The following SMOC1 variants were observed in gnomAD, a reference collection of about 807,000 sequenced individuals.
SMOC1 encodes SPARC related modular calcium binding 1, also known as SPARC-related modular calcium-binding protein 1.
A neutral mutation model predicts 56.3 loss-of-function variants in SMOC1; 22 were observed. The observed-to-expected ratio is 0.39, with a 90% CI of 0.28 to 0.56. The LOEUF is 0.56. Ranked by LOEUF, SMOC1 falls within the 20% of genes least tolerant of loss-of-function variation. The pLI is 0.61. For missense variants in SMOC1, 509 were observed against 565.4 expected (o/e 0.90, Z 1.01); for synonymous variants, 193 against 215.0 (o/e 0.90, Z 0.89).
chr14:69,999,052 A>G (rs955087567), intron 7 of SMOC1, among the ~76,000 whole-genome samples: 5 of 152,182 alleles, frequency 3.3e-5, no homozygotes, highest in Admixed American at 6.5e-5. Context: ...ATCAGCACAG[A>G]CATAAGGTGG....
intron 1 of SMOC1, among the ~76,000 whole-genome samples, chr14:69,908,887 G>A (rs1028905223): frequency 9.2e-5 from 14 of 151,992 alleles, no homozygotes; most frequent in African/African-American, 3.4e-4. Context: ...CTGGGGTGTG[G>A]GGGTGTGTGT....
At chr14:69,893,016 G>C (rs1387594917) in intron 1 of SMOC1, among the ~76,000 whole-genome samples, 2 of 152,004 alleles carry the variant, frequency 1.3e-5, no homozygotes, top group Non-Finnish European at 2.9e-5. Flanking sequence ...TTTTCACTTT[G>C]TAATTTATTT....
At chr14:69,972,438 T>TG (rs56871209) in intron 3 of SMOC1, among the ~76,000 whole-genome samples, 3,066 of 152,272 alleles carry the variant, frequency 0.02, 91 homozygotes, top group African/African-American at 0.07. Flanking sequence ...GCGGCACACC[T>TG]GGGGTAGGTG....
At chr14:70,019,110 A>G (rs1885622279) in intron 10 of SMOC1, among the ~76,000 whole-genome samples, 1 of 152,214 alleles carries the variant, frequency 6.6e-6, no homozygotes, top group Non-Finnish European at 1.5e-5. Context: ...GCAGAAGCAA[A>G]ACTGAAAGTG....
intron 11 of SMOC1, among the ~76,000 whole-genome samples, chr14:70,029,510 A>G (rs1025127606): frequency 1.3e-5 from 2 of 152,216 alleles, no homozygotes; most frequent in African/African-American, 4.8e-5. Context: ...CCTGAGCCAT[A>G]GACACTCACA....
At chr14:69,885,060 T>G (rs1211606449) in intron 1 of SMOC1, among the ~76,000 whole-genome samples, 1 of 152,190 alleles carries the variant, frequency 6.6e-6, no homozygotes, top group Non-Finnish European at 1.5e-5. Context: ...TTCCAATTCA[T>G]GAACGTGACA....
At chr14:69,939,974 G>A (rs1288660348) in intron 1 of SMOC1, among the ~76,000 whole-genome samples, 1 of 152,210 alleles carries the variant, frequency 6.6e-6, no homozygotes, top group Non-Finnish European at 1.5e-5. Context: ...GTGGGAAGAA[G>A]GACCCACCTC....
At chr14:70,005,747 G>A (rs1243532264) in intron 7 of SMOC1, among the ~76,000 whole-genome samples, 1 of 152,164 alleles carries the variant, frequency 6.6e-6, no homozygotes. Flanking sequence ...CCATCTGAGG[G>A]ACAGGATTAT....
intron 1 of SMOC1, among the ~76,000 whole-genome samples, chr14:69,914,112 C>T (rs966074000): frequency 6.6e-6 from 1 of 152,186 alleles, no homozygotes; most frequent in Admixed American, 6.5e-5. Flanking sequence ...GCAAAGACCC[C>T]TTGAATCAGT....
chr14:69,897,160 A>G (rs575142159), intron 1 of SMOC1, among the ~76,000 whole-genome samples: 21 of 152,184 alleles, frequency 1.4e-4, no homozygotes, highest in Admixed American at 4.6e-4. Flanking sequence ...CTCAACCCAC[A>G]TGAGCCTTCC....
rs1400107993 is a variant in SMOC1, at chr14:70,031,880, C to CA, written c.*1624dup. ...GCAAATCTGGCCTCATCTTGTATTC[C>CA]AACCCGACATCCCTAAAAGTACCTC... On this transcript the variant is annotated 3_prime_UTR_variant, in exon 12 of 12. Coordinates refer to ENST00000361956, the MANE Select transcript of SMOC1 (RefSeq NM_001034852.3). 6.6e-6 allele frequency: 1 copy of CA among 152,456 alleles called. No individual in the cohort carries two copies. Among genetic ancestry groups the CA allele is most frequent in the African/African-American group, 2.4e-5 (1 of 41,456 alleles). The allele number at this position is 152,456 out of a possible 1,614,324, so 9.4% of individuals were successfully genotyped here. A position where few individuals can be genotyped will look rare whatever the true frequency, so the allele number is the denominator to read the frequency against.
intron 1 of SMOC1, among the ~76,000 whole-genome samples, chr14:69,887,756 G>C (rs1167808838): frequency 6.6e-6 from 1 of 152,156 alleles, no homozygotes; most frequent in Non-Finnish European, 1.5e-5. Flanking sequence ...AAGCTAAGCT[G>C]GCAGTGGGCA....
intron 1 of SMOC1, among the ~76,000 whole-genome samples, chr14:69,918,290 G>A (rs960480938): frequency 6.6e-6 from 1 of 151,400 alleles, no homozygotes; most frequent in African/African-American, 2.4e-5. Context: ...GTGCAGTGGT[G>A]CAATCACGGC....
intron 1 of SMOC1, among the ~76,000 whole-genome samples, chr14:69,899,199 G>A (rs1480699047): frequency 2.0e-5 from 3 of 152,184 alleles, no homozygotes; most frequent in African/African-American, 7.2e-5. Flanking sequence ...ATGCTTTGCT[G>A]TGGTTCAAAA....
rs1053787411 is a variant in SMOC1, at chr14:69,972,213, C to T, written c.379-3502C>T. ...CTGGGAGGTGCTGGAAGGCCGGCTG[C>T]AGACTGTCTCCATGTAACTTCTTTT... On this transcript the variant is annotated intron_variant, in intron 3 of 11. Coordinates refer to ENST00000361956, the MANE Select transcript of SMOC1 (RefSeq NM_001034852.3). Among the ~76,000 whole-genome samples, 5 of 152,198 alleles carry T rather than the reference C, an allele frequency of 3.3e-5. No individual in the cohort carries two copies. In the East Asian group the frequency reaches 9.6e-4, roughly 29 times the overall value.
chr14:69,992,520 A>G, intron 6 of SMOC1, 47 bp downstream of exon 6: 1 of 1,438,956 alleles, frequency 6.9e-7, no homozygotes, highest in East Asian at 2.3e-5. Context: ...ACTCATTTTC[A>G]GGTTTGGGAA....
At chr14:70,022,002 C>G (rs1030410362) in intron 10 of SMOC1, among the ~76,000 whole-genome samples, 1 of 152,198 alleles carries the variant, frequency 6.6e-6, no homozygotes, top group African/African-American at 2.4e-5. Context: ...GTCATGTGCT[C>G]TGTCCCAGCG....
chr14:69,973,384 A>C (rs1472073748), intron 3 of SMOC1, among the ~76,000 whole-genome samples: 8 of 152,208 alleles, frequency 5.3e-5, no homozygotes, highest in Non-Finnish European at 1.0e-4. Context: ...GGGCTCAAAG[A>C]GCTGAGCGAT....
chr14:69,973,324 A>C (rs1883843820), intron 3 of SMOC1, among the ~76,000 whole-genome samples: 1 of 152,194 alleles, frequency 6.6e-6, no homozygotes, highest in Admixed American at 6.5e-5. Flanking sequence ...GTGCCAGACA[A>C]TGGACTTCCT....
Sources: gnomAD v4.1 joint callset for allele counts (sites outside exome capture counted in the v4.1 genomes callset) on GRCh38, gnomAD v4.1.1 for gene constraint, MANE v1.5 for transcripts, NCBI Gene and HGNC (gene_info 2026-07-23, HGNC 2026-07-21) for gene names.